Variants in CPA6 observed in about 807,000 individuals in gnomAD.
CPA6 encodes the protein carboxypeptidase A6, also known as carboxypeptidase B.
CPA6 carries 58 observed loss-of-function variants against 63.3 expected under a neutral mutation model. That is an observed-to-expected ratio of 0.92 (90% CI 0.74 to 1.14). The LOEUF (loss-of-function observed/expected upper bound fraction) is 1.14. Among genes scored for constraint, CPA6 ranks in the 50% most tolerant of loss-of-function variants. The probability of loss-of-function intolerance (pLI) is 0.00; values close to 1 mark genes in which losing one functional copy is unlikely to be tolerated. For missense variants in CPA6, 565 were observed against 526.6 expected, an observed-to-expected ratio of 1.07 and a Z score of -0.71; for synonymous variants, 185 against 179.0, an observed-to-expected ratio of 1.03 and a Z score of -0.27.
At chr8:67,424,235 G>A (rs1376019954) in intron 10 of CPA6, among the ~76,000 whole-genome samples, 1 of 152,096 alleles carries the variant, frequency 6.6e-6, no homozygotes, top group African/African-American at 2.4e-5. Context: ...ATATTACAGT[G>A]TAATAATAAT....
chr8:67,556,814 G>A (rs527724607), intron 2 of CPA6, among the ~76,000 whole-genome samples: 3 of 152,338 alleles, frequency 2.0e-5, no homozygotes, highest in East Asian at 3.9e-4. Context: ...GAGCGGCAGC[G>A]CCGAGAGTTT....
At chr8:67,566,019 C>A (rs1370964736) in intron 2 of CPA6, among the ~76,000 whole-genome samples, 1 of 152,174 alleles carries the variant, frequency 6.6e-6, no homozygotes, top group East Asian at 1.9e-4. Flanking sequence ...TCATGATTTT[C>A]ATTTCTTTGC....
intron 2 of CPA6, among the ~76,000 whole-genome samples, chr8:67,607,914 A>G (rs934898858): frequency 6.6e-6 from 1 of 152,154 alleles, no homozygotes; most frequent in African/African-American, 2.4e-5. Context: ...AATATAAGAG[A>G]CATTTATTTC....
chr8:67,623,928 T>C (rs1344888647), intron 2 of CPA6, among the ~76,000 whole-genome samples: 1 of 151,766 alleles, frequency 6.6e-6, no homozygotes, highest in South Asian at 2.1e-4. Context: ...ACCCGGGAGG[T>C]GGAGGCTGCA....
chr8:67,735,341 C>T (rs1358432891), intron 1 of CPA6: 1 of 152,118 alleles, frequency 6.6e-6, no homozygotes, highest in Non-Finnish European at 1.5e-5. Flanking sequence ...TTGCTACTCT[C>T]CTGGTATTGG....
At chr8:67,711,571 TG>T (rs1817260643) in intron 1 of CPA6, among the ~76,000 whole-genome samples, 1 of 152,046 alleles carries the variant, frequency 6.6e-6, no homozygotes, top group South Asian at 2.1e-4. Flanking sequence ...GGCTCTTGGT[TG>T]GGGTGGGATG....
At chr8:67,700,844 A>G (rs1336263114) in intron 1 of CPA6, among the ~76,000 whole-genome samples, 1 of 152,216 alleles carries the variant, frequency 6.6e-6, no homozygotes, top group Non-Finnish European at 1.5e-5. Flanking sequence ...ATAACATGCT[A>G]GCATTCAAAC....
intron 9 of CPA6, chr8:67,429,695 G>C (rs1809977760): frequency 6.6e-6 from 1 of 152,014 alleles, no homozygotes; most frequent in South Asian, 2.1e-4. Flanking sequence ...CTTCTCCAAC[G>C]GTCTCAGCAA....
At chr8:67,736,934 GT>G (rs1455089984) in intron 1 of CPA6, among the ~76,000 whole-genome samples, 1 of 152,116 alleles carries the variant, frequency 6.6e-6, no homozygotes, top group African/African-American at 2.4e-5. Flanking sequence ...TATTTAGTTG[GT>G]TCCCTCTTTT....
In CPA6 at chr8:67,440,400, G is replaced by A. The variant is rs137924341; in HGVS notation, c.839-6160C>T. Among the ~76,000 whole-genome samples the A allele has an allele frequency of 4.0e-3, 601 of 152,070 alleles. 3 individuals are homozygous for A. Among genetic ancestry groups the A allele is most frequent in the African/African-American group, 0.013 (529 of 41,474 alleles). The stretch of plus-strand genomic sequence containing the variant: ...AGCCTGGCCAACGTGGTAAAACTCT[G>A]TCTCTACTAAAAATACAAAAATTGG... On this transcript the variant is annotated intron_variant, in intron 8 of 10. Transcript: ENST00000297770.
chr8:67,724,836 C>T (rs963139968), intron 1 of CPA6, among the ~76,000 whole-genome samples: 4 of 152,224 alleles, frequency 2.6e-5, no homozygotes, highest in African/African-American at 7.2e-5. Context: ...CCATGCCCAA[C>T]AAATTCCTCA....
intron 8 of CPA6, among the ~76,000 whole-genome samples, chr8:67,440,607 A>G (rs989681568): frequency 1.3e-5 from 2 of 152,094 alleles, no homozygotes; most frequent in African/African-American, 4.8e-5. Context: ...TCTGAGAAAT[A>G]CATCATTAGA....
chr8:67,447,035 C>T (rs1422617343), intron 8 of CPA6, among the ~76,000 whole-genome samples: 1 of 126,752 alleles, frequency 7.9e-6, no homozygotes, highest in African/African-American at 3.9e-5. Flanking sequence ...TATATATACA[C>T]ACATATATAT....
chr8:67,598,996 A>T (rs1394965715), intron 2 of CPA6, among the ~76,000 whole-genome samples: 1 of 152,154 alleles, frequency 6.6e-6, no homozygotes. Context: ...AAATTTCTTC[A>T]AAAGAATTTG....
chr8:67,716,181 GAGA>G (rs1817377783), intron 1 of CPA6, among the ~76,000 whole-genome samples: 1 of 142,712 alleles, frequency 7.0e-6, no homozygotes, highest in African/African-American at 2.8e-5. Flanking sequence ...AAAAAAAGGA[GAGA>G]GAGAAGTGTC....
At chr8:67,672,974 G>A (rs1816382400) in intron 1 of CPA6, among the ~76,000 whole-genome samples, 1 of 152,058 alleles carries the variant, frequency 6.6e-6, no homozygotes, top group Non-Finnish European at 1.5e-5. Context: ...ATAGAAACTT[G>A]GGGGCAATAG....
chr8:67,592,070 C>G (rs1320007406), intron 2 of CPA6, among the ~76,000 whole-genome samples: 1 of 152,008 alleles, frequency 6.6e-6, no homozygotes, highest in Non-Finnish European at 1.5e-5. Context: ...CATCAATACC[C>G]AATTTATTGA....
chr8:67,664,595 C>G (rs982388834), intron 1 of CPA6, among the ~76,000 whole-genome samples: 14 of 152,122 alleles, frequency 9.2e-5, no homozygotes, highest in African/African-American at 3.1e-4. Context: ...TCTCCTGCCC[C>G]CTGCCTTTTT....
intron 6 of CPA6, among the ~76,000 whole-genome samples, chr8:67,503,167 T>G (rs1811862363): frequency 6.6e-6 from 1 of 152,110 alleles, no homozygotes; most frequent in South Asian, 2.1e-4. Context: ...GCCTCCTGAG[T>G]AGCTGGGACT....
Sources: allele counts gnomAD v4.1 joint callset (sites outside exome capture counted in the v4.1 genomes callset), GRCh38; gene constraint gnomAD v4.1.1; transcripts MANE v1.5; gene names NCBI Gene and HGNC (gene_info 2026-07-23, HGNC 2026-07-21).